THSD7B: variants seen among roughly 807,000 people sequenced by gnomAD.
THSD7B encodes thrombospondin type-1 domain-containing protein 7B.
A neutral mutation model predicts 213.6 loss-of-function variants in THSD7B; 138 were observed. The ratio of observed to expected loss-of-function variants is 0.65; its 90% confidence interval spans 0.56 to 0.74. The LOEUF is 0.74. Among genes scored for constraint, THSD7B ranks in the 30% least tolerant of loss-of-function variants. THSD7B has a pLI of 0.00. For synonymous variants in THSD7B, 742 were observed against 687.0 expected, an observed-to-expected ratio of 1.08 and a Z score of -1.25; for missense variants, 1,931 against 1,991.5, an observed-to-expected ratio of 0.97 and a Z score of 0.58.
intron 2 of THSD7B, among the ~76,000 whole-genome samples, chr2:136,970,556 C>T (rs1685389192): frequency 6.6e-6 from 1 of 152,038 alleles, no homozygotes; most frequent in Non-Finnish European, 1.5e-5. Context: ...GAACATGGAA[C>T]TATCAATTTG....
chr2:137,598,468 A>G (rs778754006), intron 17 of THSD7B, among the ~76,000 whole-genome samples: 3 of 152,196 alleles, frequency 2.0e-5, no homozygotes, highest in Non-Finnish European at 2.9e-5. Flanking sequence ...TAATTCATAG[A>G]ATAAAGTGCT....
intron 2 of THSD7B, among the ~76,000 whole-genome samples, chr2:137,046,783 G>C (rs959697260): frequency 6.6e-6 from 1 of 151,332 alleles, no homozygotes; most frequent in African/African-American, 2.4e-5. Context: ...TGGCCGCCCA[G>C]GTATTGGAAG....
At chr2:137,308,405 G>T (rs534577681) in intron 12 of THSD7B, among the ~76,000 whole-genome samples, 2 of 152,048 alleles carry the variant, frequency 1.3e-5, no homozygotes, top group Non-Finnish European at 2.9e-5. Flanking sequence ...CTTTGAAGTC[G>T]TGTGGGGGCT....
At chr2:137,546,406 A>ATATATATAT (rs1558834297) in intron 15 of THSD7B, among the ~76,000 whole-genome samples, 2 of 37,032 alleles carry the variant, frequency 5.4e-5, no homozygotes, top group Non-Finnish European at 8.2e-5. Flanking sequence ...TATATATATT[A>ATATATATAT]TATATATATT....
chr2:137,101,977 A>G (rs1688159595), intron 4 of THSD7B, among the ~76,000 whole-genome samples: 1 of 152,220 alleles, frequency 6.6e-6, no homozygotes, highest in Non-Finnish European at 1.5e-5. Context: ...AGCAGACTTA[A>G]ACGTTCCTGC....
At chr2:136,834,038 G>A (rs1382670932) in intron 1 of THSD7B, among the ~76,000 whole-genome samples, 2 of 152,234 alleles carry the variant, frequency 1.3e-5, no homozygotes, top group Non-Finnish European at 1.5e-5. Flanking sequence ...AGTTGTTCCC[G>A]TGACTAATAT....
chr2:137,460,949 C>T (rs1024730976), intron 15 of THSD7B, among the ~76,000 whole-genome samples: 9 of 152,112 alleles, frequency 5.9e-5, no homozygotes, highest in Admixed American at 3.9e-4. Context: ...AACAACTTTA[C>T]GTAAGTGGAA....
At chr2:137,149,972 T>A (rs951460382) in intron 5 of THSD7B, among the ~76,000 whole-genome samples, 1 of 152,124 alleles carries the variant, frequency 6.6e-6, no homozygotes, top group African/African-American at 2.4e-5. Flanking sequence ...CTTGGTGCAG[T>A]GGCTCACGCC....
At chr2:137,370,391 A>G (rs770794255) in intron 12 of THSD7B, among the ~76,000 whole-genome samples, 19 of 152,228 alleles carry the variant, frequency 1.2e-4, no homozygotes, top group East Asian at 3.9e-4. Context: ...TTTAAACTCA[A>G]TCTCTAAAGA....
chr2:137,337,198 T>A (rs1317196502), intron 12 of THSD7B, among the ~76,000 whole-genome samples: 1 of 152,086 alleles, frequency 6.6e-6, no homozygotes, highest in Non-Finnish European at 1.5e-5. Context: ...ATTATCCCAC[T>A]ACTTTTGTTT....
At chr2:136,955,636 A>T (rs1298470186) in intron 2 of THSD7B, among the ~76,000 whole-genome samples, 2 of 152,160 alleles carry the variant, frequency 1.3e-5, no homozygotes, top group African/African-American at 4.8e-5. Context: ...TCAGATTCTA[A>T]ATTGGTATAG....
chr2:136,813,022 C>T (rs1427939045), intron 1 of THSD7B, among the ~76,000 whole-genome samples: 7 of 152,082 alleles, frequency 4.6e-5, no homozygotes, highest in Admixed American at 4.6e-4. Context: ...GAAATTCTTC[C>T]AACTATTACT....
rs1226005718 is a variant in THSD7B at position 136,766,743 on chromosome 2, A to C, written c.-36+1056A>C. On this transcript the variant is annotated intron_variant, in intron 1 of 27. Transcript: ENST00000409968. ...GTACAGTCAAGGTGAAGTTCCACTA[A>C]GATTATGGGACCGTGGCATATTCTA... Among the ~76,000 whole-genome samples the C allele has an allele frequency of 2.6e-5, 4 of 152,172 alleles. No homozygotes were observed. The South Asian group carries it at 8.3e-4, about 32-fold the overall frequency.
At chr2:137,291,803 A>T (rs1683346024) in intron 12 of THSD7B, among the ~76,000 whole-genome samples, 1 of 152,152 alleles carries the variant, frequency 6.6e-6, no homozygotes, top group Non-Finnish European at 1.5e-5. Context: ...TGATGCCAGG[A>T]TTATGAATCA....
At chr2:137,281,579 G>T (rs1034538508) in intron 12 of THSD7B, among the ~76,000 whole-genome samples, 1 of 147,308 alleles carries the variant, frequency 6.8e-6, no homozygotes, top group Non-Finnish European at 1.5e-5. Flanking sequence ...GCAGTCCCCG[G>T]TATGTGATGT....
At chr2:137,405,985 T>A (rs968837465) in intron 13 of THSD7B, among the ~76,000 whole-genome samples, 178 bp downstream of exon 13, 4 of 152,224 alleles carry the variant, frequency 2.6e-5, no homozygotes, top group Non-Finnish European at 5.9e-5. Flanking sequence ...ACTCAATTAA[T>A]GTTTCCGAAA....
At chr2:137,433,643 C>T (rs931663532) in intron 14 of THSD7B, among the ~76,000 whole-genome samples, 12 of 152,134 alleles carry the variant, frequency 7.9e-5, no homozygotes, top group Non-Finnish European at 1.2e-4. Context: ...CATGAGCCTC[C>T]GTGCCCCACC....
intron 12 of THSD7B, among the ~76,000 whole-genome samples, chr2:137,395,165 G>C (rs1294954971): frequency 6.9e-6 from 1 of 145,080 alleles, no homozygotes; most frequent in Non-Finnish European, 1.5e-5. Flanking sequence ...TCCTTCTCCT[G>C]CCTAATTGCC....
intron 2 of THSD7B, among the ~76,000 whole-genome samples, chr2:137,036,273 A>G (rs1359187332): frequency 6.6e-6 from 1 of 152,152 alleles, no homozygotes; most frequent in Non-Finnish European, 1.5e-5. Flanking sequence ...CTTAATAGCC[A>G]TATACAAATG....
Sources: gnomAD v4.1 joint callset for allele counts (sites outside exome capture counted in the v4.1 genomes callset) on GRCh38, gnomAD v4.1.1 for gene constraint, MANE v1.5 for transcripts, NCBI Gene and HGNC (gene_info 2026-07-23, HGNC 2026-07-21) for gene names.